Variants in TNRC6A observed in about 807,000 individuals in gnomAD.
TNRC6A encodes the protein trinucleotide repeat-containing gene 6A protein.
Under a neutral mutation model 221.2 loss-of-function variants are expected in TNRC6A, and 44 were observed. The observed-to-expected ratio is 0.20, with a 90% CI of 0.16 to 0.26. The LOEUF is 0.26. Ranked by LOEUF, TNRC6A falls within the 10% of genes least tolerant of loss-of-function variation. TNRC6A has a pLI of 1.00. For synonymous variants in TNRC6A, 847 were observed against 838.5 expected, an observed-to-expected ratio of 1.01 and a Z score of -0.18; for missense variants, 2,199 against 2,404.4, an observed-to-expected ratio of 0.91 and a Z score of 1.79.
intron 2 of TNRC6A, among the ~76,000 whole-genome samples, chr16:24,704,902 G>A (rs2056066974): frequency 6.6e-6 from 1 of 151,954 alleles, no homozygotes; most frequent in South Asian, 2.1e-4. Context: ...ACTTTGGGAG[G>A]CTGAGGCAAG....
intron 1 of TNRC6A, among the ~76,000 whole-genome samples, chr16:24,614,734 T>TG (rs1166851152): frequency 1.3e-5 from 2 of 152,186 alleles, no homozygotes; most frequent in African/African-American, 4.8e-5. Context: ...GCAGGAAGCC[T>TG]GGGGCTTATT....
At chr16:24,678,253 G>C (rs2142040504) in intron 2 of TNRC6A, among the ~76,000 whole-genome samples, 1 of 151,078 alleles carries the variant, frequency 6.6e-6, no homozygotes, top group South Asian at 2.1e-4. Flanking sequence ...AGAGGTTGCA[G>C]TGAGTTGAGA....
Position 24,729,722 on chromosome 16 carries a change from G to T in TNRC6A, c.-120G>T. The stretch of plus-strand genomic sequence containing the variant: ...CGGCGGCGGCGGCGGCGGCGGCAGC[G>T]GGTCGGTGTAGAAAATGGCGCTGGT... On this transcript the variant is annotated 5_prime_UTR_variant, in exon 1 of 25. Coordinates refer to ENST00000395799, the MANE Select transcript of TNRC6A (RefSeq NM_014494.4). 8.7e-7 allele frequency: 1 copy of T among 1,144,188 alleles called. No homozygotes were observed. The highest frequency in any genetic ancestry group is 1.1e-6 in the Non-Finnish European group (1 of 891,320). 70.9% of individuals were successfully genotyped at this position (1,144,188 alleles called of 1,614,324 possible).
intron 4 of TNRC6A, among the ~76,000 whole-genome samples, chr16:24,770,465 A>G (rs2057566969): frequency 6.6e-6 from 1 of 152,176 alleles, no homozygotes; most frequent in Non-Finnish European, 1.5e-5. Flanking sequence ...GGCCTAAATC[A>G]AAGAAGTGGC....
intron 2 of TNRC6A, among the ~76,000 whole-genome samples, chr16:24,664,513 A>C (rs1023528892): frequency 8.2e-4 from 117 of 143,554 alleles, no homozygotes; most frequent in Non-Finnish European, 1.1e-3. Context: ...ATATAATAAT[A>C]TATAATAAAT....
In TNRC6A at chr16:24,643,079, T is replaced by A. The variant is rs1325774735; in HGVS notation, n.402+2070T>A. 1.0e-4 allele frequency among the ~76,000 whole-genome samples: 13 copies of A among 124,494 alleles called. No individual in the cohort carries two copies. The South Asian group carries it at 1.2e-3, about 12-fold the overall frequency. The allele number at this position is 124,494 out of a possible 152,430, so 81.7% of individuals were successfully genotyped here. A position where few individuals can be genotyped will look rare whatever the true frequency, so the allele number is the denominator to read the frequency against. ...ATATAACATATATATTATATATATA[T>A]TATATATATATATTTTATATATATA... On this transcript the variant is annotated intron_variant and non_coding_transcript_variant, in intron 2 of 2. Coordinates refer to the TNRC6A transcript ENST00000566108.
Position 24,809,331 on chromosome 16 carries a change from T to C in TNRC6A, c.4541-19T>C. On this transcript the variant is annotated intron_variant, in intron 17 of 24. Coordinates refer to ENST00000395799, the MANE Select transcript of TNRC6A (RefSeq NM_014494.4). The stretch of plus-strand genomic sequence containing the variant: ...GTGCTGTATTTTCTAAGGTTTTGTT[T>C]TGTTTTTTAATTTTTCAGGCTTGAA... The C allele has an allele frequency of 6.7e-7, 1 of 1,492,032 alleles. No homozygotes were observed. Among genetic ancestry groups the C allele is most frequent in the Non-Finnish European group, 9.0e-7 (1 of 1,110,576 alleles). The allele number at this position is 1,492,032 out of a possible 1,614,324, so 92.4% of individuals were successfully genotyped here. A position where few individuals can be genotyped will look rare whatever the true frequency, so the allele number is the denominator to read the frequency against.
chr16:24,623,585 C>T (rs1354802530), intron 1 of TNRC6A, among the ~76,000 whole-genome samples: 1 of 151,772 alleles, frequency 6.6e-6, no homozygotes, highest in Non-Finnish European at 1.5e-5. Flanking sequence ...ACACAGGGTC[C>T]CTTATTTAAA....
intron 1 of TNRC6A, among the ~76,000 whole-genome samples, chr16:24,626,824 G>A (rs1901031257): frequency 6.6e-6 from 1 of 150,990 alleles, no homozygotes; most frequent in South Asian, 2.1e-4. Context: ...TAATTTTTTT[G>A]TACTTTTTAG....
In TNRC6A at chr16:24,819,899, C is replaced by T. The variant is rs576020870; in HGVS notation, c.5081-240C>T. Among the ~76,000 whole-genome samples the T allele has an allele frequency of 1.1e-4, 17 of 152,254 alleles. 1 individual carries two copies. The South Asian group carries it at 1.5e-3, about 13-fold the overall frequency. Reference sequence around the variant, plus strand: ...TTTGAGTACAGTTTTGGACACTGGCCTAAGAATTTCATAGGTCTTACAGCT... The same window carrying T: ...TTTGAGTACAGTTTTGGACACTGGCTTAAGAATTTCATAGGTCTTACAGCT... On this transcript the variant is annotated intron_variant, in intron 21 of 24. Transcript: ENST00000395799.
At chr16:24,809,193 T>C (rs1377464710) in intron 17 of TNRC6A, among the ~76,000 whole-genome samples, 157 bp from the exon 18 acceptor site, 3 of 152,228 alleles carry the variant, frequency 2.0e-5, no homozygotes, top group Non-Finnish European at 2.9e-5. Context: ...CAAAATTTTA[T>C]GGAGAAATAT....
intron 2 of TNRC6A, among the ~76,000 whole-genome samples, chr16:24,664,638 A>G (rs2055111404): frequency 7.0e-6 from 1 of 141,968 alleles, no homozygotes; most frequent in South Asian, 2.2e-4. Context: ...TATTATTAAT[A>G]AATATATTTA....
chr16:24,731,956 C>T (rs948489631), intron 2 of TNRC6A, among the ~76,000 whole-genome samples: 4 of 152,160 alleles, frequency 2.6e-5, no homozygotes, highest in Admixed American at 2.0e-4. Context: ...AAGTGCTGTC[C>T]GTGTTCACAG....
intron 2 of TNRC6A, among the ~76,000 whole-genome samples, chr16:24,660,388 G>T (rs935734252): frequency 6.6e-6 from 1 of 152,088 alleles, no homozygotes; most frequent in African/African-American, 2.4e-5. Context: ...TCCCATTCAG[G>T]TTGCTGCGAA....
In TNRC6A at chr16:24,789,974, A is replaced by G. The variant is rs762358937; in HGVS notation, c.1332A>G (p.Gln444=). Reference sequence around the variant, plus strand: ...AGGTTTCATTCAGTGGTCAACCTCAAAATATTACCACTGAAATGACTGGAC... The same window carrying G: ...AGGTTTCATTCAGTGGTCAACCTCAGAATATTACCACTGAAATGACTGGAC... ...TQKVSFSGQP[Q]NITTEMTGPN... Residue 444 remains glutamine (Q), a synonymous_variant, in exon 6 of 25, where the codon CAA becomes CAG. Coordinates refer to ENST00000395799, the MANE Select transcript of TNRC6A (RefSeq NM_014494.4). 12 of 1,614,188 alleles carry G rather than the reference A, an allele frequency of 7.4e-6. No individual in the cohort carries two copies. Among genetic ancestry groups the G allele is most frequent in the South Asian group, 4.4e-5 (4 of 91,076 alleles).
chr16:24,617,998 A>G (rs1354490916), intron 1 of TNRC6A, among the ~76,000 whole-genome samples: 1 of 152,158 alleles, frequency 6.6e-6, no homozygotes, highest in Non-Finnish European at 1.5e-5. Context: ...CCCAGGTCCA[A>G]GCGATTCTCG....
upstream of TNRC6A, among the ~76,000 whole-genome samples, chr16:24,726,153 G>C (rs554225462): frequency 6.6e-6 from 1 of 152,268 alleles, no homozygotes; most frequent in Non-Finnish European, 1.5e-5. Flanking sequence ...TTGGCATTCA[G>C]GGGTACACAG....
upstream of TNRC6A, among the ~76,000 whole-genome samples, chr16:24,726,241 T>G (rs1451751216): frequency 6.6e-6 from 1 of 151,476 alleles, no homozygotes; most frequent in Admixed American, 6.6e-5. Flanking sequence ...ATAAATGAGA[T>G]TACCCATCCT....
At chr16:24,638,972 T>C (rs2141733904) in intron 1 of TNRC6A, among the ~76,000 whole-genome samples, 1 of 152,298 alleles carries the variant, frequency 6.6e-6, no homozygotes, top group East Asian at 1.9e-4. Flanking sequence ...GCCATTGGAT[T>C]GGGCAACATG....
Sources: allele counts gnomAD v4.1 joint callset (sites outside exome capture counted in the v4.1 genomes callset), GRCh38; gene constraint gnomAD v4.1.1; transcripts MANE v1.5; gene names NCBI Gene and HGNC (gene_info 2026-07-23, HGNC 2026-07-21).